Variants in JAZF1 observed in about 807,000 individuals in gnomAD.
JAZF1 encodes JAZF zinc finger 1.
A neutral mutation model predicts 26.4 loss-of-function variants in JAZF1; 8 were observed. The observed-to-expected ratio is 0.30, with a 90% CI of 0.18 to 0.55. The LOEUF (loss-of-function observed/expected upper bound fraction) is 0.55, where lower values mean the gene tolerates loss of function less well. Ranked by LOEUF, JAZF1 falls within the 20% of genes least tolerant of loss-of-function variation. The pLI, the probability that JAZF1 is intolerant of heterozygous loss-of-function variation, is 0.94. For synonymous variants in JAZF1, 126 were observed against 122.3 expected, an observed-to-expected ratio of 1.03 and a Z score of -0.20; for missense variants, 199 against 322.0, an observed-to-expected ratio of 0.62 and a Z score of 2.92.
chr7:27,854,955 T>C lies in JAZF1; in HGVS notation c.386-14088A>G, dbSNP rs546705096. 2.0e-5 allele frequency among the ~76,000 whole-genome samples: 3 copies of C among 152,292 alleles called. No homozygotes were observed. In the East Asian group the frequency reaches 5.8e-4, roughly 29 times the overall value. On this transcript the variant is annotated intron_variant, in intron 3 of 4. Transcript: ENST00000283928. ...CTCCTGGAAAATATCCTGAAGAGTG[T>C]TTTACAACTTGGTTCCATTCCCCAC... is the stretch of plus-strand genomic sequence containing the variant.
intron 1 of JAZF1, among the ~76,000 whole-genome samples, chr7:28,063,624 G>A (rs1051090600): frequency 3.3e-5 from 5 of 152,066 alleles, no homozygotes; most frequent in African/African-American, 4.8e-5. Flanking sequence ...CTATTTGAAC[G>A]TGGGCTCTTA....
At chr7:27,955,979 C>G (rs1391426560) in intron 2 of JAZF1, among the ~76,000 whole-genome samples, 2 of 152,160 alleles carry the variant, frequency 1.3e-5, no homozygotes, top group Non-Finnish European at 2.9e-5. Context: ...GATGAGTGTT[C>G]TCAAGAACTC....
chr7:27,945,548 G>T (rs1318375187), intron 2 of JAZF1, among the ~76,000 whole-genome samples: 1 of 152,078 alleles, frequency 6.6e-6, no homozygotes, highest in Non-Finnish European at 1.5e-5. Flanking sequence ...ACACCTGTCC[G>T]TTTTTTACGG....
intron 1 of JAZF1, among the ~76,000 whole-genome samples, chr7:28,063,361 A>G (rs1413738336): frequency 6.6e-6 from 1 of 152,226 alleles, no homozygotes; most frequent in East Asian, 1.9e-4. Flanking sequence ...GACAGACTGT[A>G]GACTAGGTAC....
In JAZF1 at chr7:27,910,765, G is replaced by A. The variant is rs146453762; in HGVS notation, c.189-15349C>T. On this transcript the variant is annotated intron_variant, in intron 2 of 4. Coordinates refer to ENST00000283928, the MANE Select transcript of JAZF1 (RefSeq NM_175061.4). ...AGGGCTCCTTTTTGAGTGACTGAAGGTCCTGGACACCTCTGCACCCAACAC... is the reference window on the plus strand; with the variant it reads ...AGGGCTCCTTTTTGAGTGACTGAAGATCCTGGACACCTCTGCACCCAACAC... Among the ~76,000 whole-genome samples, 843 of 152,246 alleles carry A rather than the reference G, an allele frequency of 5.5e-3. 4 individuals carry two copies. The highest frequency in any genetic ancestry group is 9.3e-3 in the Non-Finnish European group (633 of 68,012).
At chr7:28,070,678 G>A in intron 1 of JAZF1, among the ~76,000 whole-genome samples, 1 of 152,220 alleles carries the variant, frequency 6.6e-6, no homozygotes, top group East Asian at 1.9e-4. Flanking sequence ...AATGTTTCAA[G>A]GTAGAGGAGG....
chr7:28,110,193 A>G (rs1784619783), intron 1 of JAZF1, among the ~76,000 whole-genome samples: 1 of 152,136 alleles, frequency 6.6e-6, no homozygotes, highest in Non-Finnish European at 1.5e-5. Flanking sequence ...TGGGAGGCCA[A>G]GGTGGGCAGA....
intron 1 of JAZF1, among the ~76,000 whole-genome samples, chr7:28,025,824 T>A (rs1401953405): frequency 1.3e-5 from 2 of 152,208 alleles, no homozygotes; most frequent in Non-Finnish European, 2.9e-5. Flanking sequence ...GCTTACAGGT[T>A]CATGAGAGCT....
At chr7:27,904,369 C>T (rs1424874162) in intron 2 of JAZF1, among the ~76,000 whole-genome samples, 1 of 152,150 alleles carries the variant, frequency 6.6e-6, no homozygotes, top group Admixed American at 6.5e-5. Flanking sequence ...AAGCTAAAGG[C>T]GTATTTGGTT....
intron 1 of JAZF1, among the ~76,000 whole-genome samples, chr7:28,083,152 C>CA (rs1784162852): frequency 6.6e-6 from 1 of 152,196 alleles, no homozygotes; most frequent in Non-Finnish European, 1.5e-5. Flanking sequence ...TGAACCCCCT[C>CA]AATCCTAGAT....
chr7:27,997,134 G>A (rs1014152635), intron 1 of JAZF1, among the ~76,000 whole-genome samples: 9 of 152,138 alleles, frequency 5.9e-5, no homozygotes, highest in Non-Finnish European at 8.8e-5. Flanking sequence ...TACCTGCAGT[G>A]GGGGAGACCC....
intron 1 of JAZF1, among the ~76,000 whole-genome samples, chr7:28,051,576 C>CA (rs1182899982): frequency 6.6e-6 from 1 of 152,086 alleles, no homozygotes; most frequent in Non-Finnish European, 1.5e-5. Context: ...TTGTCTCCTG[C>CA]AAACTGGCTC....
At chr7:27,890,778 T>C (rs937135747) in intron 3 of JAZF1, among the ~76,000 whole-genome samples, 4 of 148,198 alleles carry the variant, frequency 2.7e-5, no homozygotes, top group African/African-American at 1.0e-4. Flanking sequence ...ACTTTAGATG[T>C]TACTACTTTT....
At chr7:27,919,171 G>A (rs1784489535) in intron 2 of JAZF1, among the ~76,000 whole-genome samples, 1 of 152,194 alleles carries the variant, frequency 6.6e-6, no homozygotes, top group East Asian at 1.9e-4. Flanking sequence ...AGCATGAAAT[G>A]TAAAATTATA....
At chr7:28,099,995 C>T (rs903863276) in intron 1 of JAZF1, among the ~76,000 whole-genome samples, 1 of 152,106 alleles carries the variant, frequency 6.6e-6, no homozygotes, top group Non-Finnish European at 1.5e-5. Context: ...TTTTAATGGT[C>T]CTGATTATAT....
chr7:28,103,148 G>C (rs947404077), intron 1 of JAZF1, among the ~76,000 whole-genome samples: 3 of 152,072 alleles, frequency 2.0e-5, no homozygotes, highest in Non-Finnish European at 4.4e-5. Flanking sequence ...CTTCCACCTC[G>C]GTGGTCCCTC....
chr7:28,057,347 G>A (rs1783728664), intron 1 of JAZF1, among the ~76,000 whole-genome samples: 1 of 152,130 alleles, frequency 6.6e-6, no homozygotes, highest in Non-Finnish European at 1.5e-5. Flanking sequence ...CTCAGTATAG[G>A]TTGAAGAGAG....
At chr7:28,035,821 T>C (rs1241007106) in intron 1 of JAZF1, among the ~76,000 whole-genome samples, 1 of 152,156 alleles carries the variant, frequency 6.6e-6, no homozygotes, top group Non-Finnish European at 1.5e-5. Flanking sequence ...CAATTCTCAA[T>C]TTCAATTCTA....
At chr7:27,895,482 T>C (rs1378281049) in intron 2 of JAZF1, 66 bp from the exon 3 acceptor site, 2 of 1,242,936 alleles carry the variant, frequency 1.6e-6, no homozygotes, top group Non-Finnish European at 2.2e-6. Context: ...ATGACATTTA[T>C]TAGAGTTTCA....
Sources: allele counts gnomAD v4.1 joint callset (sites outside exome capture counted in the v4.1 genomes callset), GRCh38; gene constraint gnomAD v4.1.1; transcripts MANE v1.5; gene names NCBI Gene and HGNC (gene_info 2026-07-23, HGNC 2026-07-21).